NAV2: variants seen among roughly 807,000 people sequenced by gnomAD.
The protein encoded by NAV2 is helicase, APC down-regulated 1.
Under a neutral mutation model 223.2 loss-of-function variants are expected in NAV2, and 54 were observed. That is an observed-to-expected ratio of 0.24 (90% CI 0.19 to 0.30). The LOEUF is 0.30. Among genes scored for constraint, NAV2 ranks in the 10% least tolerant of loss-of-function variants. The probability of loss-of-function intolerance (pLI) is 1.00; values close to 1 mark genes in which losing one functional copy is unlikely to be tolerated. For synonymous variants in NAV2, 1,279 were observed against 1,239.3 expected, an observed-to-expected ratio of 1.03 and a Z score of -0.67; for missense variants, 2,806 against 3,147.5, an observed-to-expected ratio of 0.89 and a Z score of 2.60.
At chr11:19,886,211 C>T (rs2040957511) in intron 5 of NAV2, among the ~76,000 whole-genome samples, 2 of 151,944 alleles carry the variant, frequency 1.3e-5, no homozygotes, top group Non-Finnish European at 2.9e-5. Context: ...CTCCTGGGCT[C>T]AAGCAATCCT....
At chr11:19,410,533 C>A (rs1311425996) in intron 1 of NAV2, among the ~76,000 whole-genome samples, 4 of 152,172 alleles carry the variant, frequency 2.6e-5, no homozygotes, top group East Asian at 3.8e-4. Flanking sequence ...GGGATTTGAA[C>A]CCAGGGGATT....
intron 3 of NAV2, among the ~76,000 whole-genome samples, chr11:19,848,363 A>G (rs963339005): frequency 6.6e-6 from 1 of 152,236 alleles, no homozygotes; most frequent in Non-Finnish European, 1.5e-5. Flanking sequence ...GGAGGCCAGC[A>G]CCTGGGGAGA....
At chr11:19,366,494 G>C (rs4268480) in intron 1 of NAV2, among the ~76,000 whole-genome samples, 148,037 of 152,266 alleles carry the variant, frequency 0.97, 72,092 homozygotes, top group South Asian at 1. Context: ...CCTGGGTGAG[G>C]AAGCATGTGG....
chr11:19,653,030 C>A (rs936343863), intron 1 of NAV2, among the ~76,000 whole-genome samples: 1 of 152,000 alleles, frequency 6.6e-6, no homozygotes, highest in African/African-American at 2.4e-5. Flanking sequence ...AGCCACAGAC[C>A]CCAACTATGA....
At chr11:19,546,786 C>T (rs2044513025) in intron 1 of NAV2, among the ~76,000 whole-genome samples, 1 of 152,220 alleles carries the variant, frequency 6.6e-6, no homozygotes, top group South Asian at 2.1e-4. Context: ...CTCCATCTCT[C>T]TCCTCTTGAG....
intron 7 of NAV2, among the ~76,000 whole-genome samples, chr11:19,935,963 T>G (rs2153277101): frequency 7.0e-6 from 1 of 142,300 alleles, no homozygotes; most frequent in East Asian, 2.3e-4. Context: ...GTACAAGCAA[T>G]TCTCCTGCCT....
At chr11:19,714,321 C>T (rs1257238585) in intron 1 of NAV2, 1 of 514,672 alleles carries the variant, frequency 1.9e-6, no homozygotes, top group Admixed American at 2.3e-5. Context: ...GTATCCGCAG[C>T]AGCAGCTGTG....
chr11:19,827,285 G>A (rs919037132), intron 1 of NAV2, among the ~76,000 whole-genome samples: 10 of 152,168 alleles, frequency 6.6e-5, no homozygotes, highest in Non-Finnish European at 1.3e-4. Context: ...CAGTACTTGA[G>A]GTTTTGTGGG....
intron 1 of NAV2, among the ~76,000 whole-genome samples, chr11:19,700,985 T>C (rs1323103607): frequency 6.6e-6 from 1 of 152,200 alleles, no homozygotes; most frequent in African/African-American, 2.4e-5. Flanking sequence ...TCTGTCTCCA[T>C]TATCTCAAAT....
intron 1 of NAV2, among the ~76,000 whole-genome samples, chr11:19,562,442 A>G (rs562512918): frequency 2.0e-5 from 3 of 152,270 alleles, no homozygotes; most frequent in Admixed American, 2.0e-4. Context: ...TACTTACAAT[A>G]AACTCTCTCT....
intron 1 of NAV2, among the ~76,000 whole-genome samples, chr11:19,444,963 G>T (rs1851531341): frequency 1.3e-5 from 2 of 152,092 alleles, no homozygotes. Context: ...AAAATGTCTG[G>T]CCCAGAGTAA....
chr11:19,358,259 A>G (rs1043133289), intron 1 of NAV2, among the ~76,000 whole-genome samples: 2 of 152,156 alleles, frequency 1.3e-5, no homozygotes, highest in Non-Finnish European at 2.9e-5. Flanking sequence ...TCTTCCAAAG[A>G]TGAGGAACAA....
intron 22 of NAV2, among the ~76,000 whole-genome samples, chr11:20,076,614 T>A (rs894572470): frequency 2.0e-5 from 3 of 152,202 alleles, no homozygotes; most frequent in African/African-American, 7.2e-5. Flanking sequence ...AGGATTCTCA[T>A]TCAATCAACT....
intron 1 of NAV2, among the ~76,000 whole-genome samples, chr11:19,431,514 CT>C (rs1851035648): frequency 6.6e-6 from 1 of 152,154 alleles, no homozygotes; most frequent in Admixed American, 6.5e-5. Context: ...CCAAGAAACT[CT>C]TACCTGGAAT....
chr11:20,103,419 G>T lies in NAV2; in HGVS notation c.6572+10G>T, dbSNP rs763339303. The T allele has an allele frequency of 6.2e-7, 1 of 1,611,810 alleles. No homozygotes were observed. The highest frequency in any genetic ancestry group is 8.5e-7 in the Non-Finnish European group (1 of 1,178,718). ...GCAAGTACCACAAATGGTAAAGGCT[G>T]GTTCTGGACCTCATAGCCCCCCGGG... On this transcript the variant is annotated intron_variant, in intron 33 of 37. Transcript: ENST00000349880.
At chr11:19,999,691 A>G (rs894434860) in intron 11 of NAV2, among the ~76,000 whole-genome samples, 5 of 152,076 alleles carry the variant, frequency 3.3e-5, no homozygotes, top group Admixed American at 2.6e-4. Flanking sequence ...ATTTTAACCT[A>G]TGTGACACTC....
intron 1 of NAV2, among the ~76,000 whole-genome samples, chr11:19,520,424 T>G (rs1280223958): frequency 6.6e-6 from 1 of 152,256 alleles, no homozygotes; most frequent in Non-Finnish European, 1.5e-5. Flanking sequence ...CCGTGGCCTG[T>G]GGGGCCCACC....
At chr11:19,585,775 G>C (rs2045876411) in intron 1 of NAV2, among the ~76,000 whole-genome samples, 1 of 152,166 alleles carries the variant, frequency 6.6e-6, no homozygotes, top group Non-Finnish European at 1.5e-5. Context: ...GCTTCCCTTT[G>C]TGGGTAACCC....
chr11:19,995,966 G>T (rs2051840812), intron 11 of NAV2, among the ~76,000 whole-genome samples: 1 of 152,178 alleles, frequency 6.6e-6, no homozygotes, highest in Non-Finnish European at 1.5e-5. Flanking sequence ...CAGGTCATTT[G>T]GAGGGACTCT....
Sources: gnomAD v4.1 joint callset for allele counts (sites outside exome capture counted in the v4.1 genomes callset) on GRCh38, gnomAD v4.1.1 for gene constraint, MANE v1.5 for transcripts, NCBI Gene and HGNC (gene_info 2026-07-23, HGNC 2026-07-21) for gene names.